Variants in LRP5 observed in about 807,000 individuals in gnomAD.
The protein encoded by LRP5 is low-density lipoprotein receptor-related protein 5.
In LRP5, 62 loss-of-function variants were observed where a neutral mutation model predicts 154.1. That is an observed-to-expected ratio of 0.40 (90% CI 0.33 to 0.50). The LOEUF (loss-of-function observed/expected upper bound fraction) is 0.50, where lower values mean the gene tolerates loss of function less well. Ranked by LOEUF, LRP5 falls within the 20% of genes least tolerant of loss-of-function variation. LRP5 has a pLI of 0.55. For missense variants in LRP5, 1,915 were observed against 2,336.7 expected (o/e 0.82, Z 3.72); for synonymous variants, 966 against 1,011.5 (o/e 0.96, Z 0.85).
chr11:68,424,900 T>C (rs2098667816), intron 14 of LRP5, among the ~76,000 whole-genome samples: 1 of 152,236 alleles, frequency 6.6e-6, no homozygotes, highest in Admixed American at 6.5e-5. Context: ...AGACCCTGCT[T>C]CCAAATAAGC....
At chr11:68,363,065 C>T (rs767522499) in intron 3 of LRP5, among the ~76,000 whole-genome samples, 4 of 152,228 alleles carry the variant, frequency 2.6e-5, no homozygotes, top group East Asian at 3.8e-4. Flanking sequence ...AGCTGTTTCT[C>T]GGGTTGATGC....
Position 68,428,943 on chromosome 11 carries a change from A to AAAAAAAAG in LRP5, c.3638-628_3638-627insAAAGAAAA. Among the ~76,000 whole-genome samples, 6 of 3,174 alleles carry AAAAAAAAG rather than the reference A, an allele frequency of 1.9e-3. 3 individuals are homozygous for AAAAAAAAG. The highest frequency in any genetic ancestry group is 4.8e-3 in the African/African-American group (4 of 828). 2.1% of individuals were successfully genotyped at this position (3,174 alleles called of 152,430 possible). On this transcript the variant is annotated intron_variant, in intron 16 of 22. Transcript: ENST00000294304. ...AAAAGTGAAAAAAAAAAAAAAAAAA[A>AAAAAAAAG]AAAATTAGCCAGGCACAGTGGCAGG...
chr11:68,394,496 C>T (rs181789588), intron 7 of LRP5, among the ~76,000 whole-genome samples: 25 of 150,262 alleles, frequency 1.7e-4, no homozygotes, highest in African/African-American at 4.2e-4. Context: ...GGTGGAGTCT[C>T]GCTCTCTTGC....
At chr11:68,415,853 G>A (rs12789592) in intron 12 of LRP5, among the ~76,000 whole-genome samples, 1 of 71,250 alleles carries the variant, frequency 1.4e-5, no homozygotes, top group African/African-American at 3.4e-5. Context: ...TCAGGAGATC[G>A]AGACCATCCT....
In LRP5 at chr11:68,386,599, C is replaced by A; in HGVS notation, c.1299C>A (p.Thr433=). The change falls in exon 6 of 23, where the codon ACC becomes ACA. Residue 433 remains threonine, a synonymous_variant. Transcript: ENST00000294304. The surrounding 1 kb of genome is among the most constrained non-coding windows in gnomAD (Gnocchi z 7.9). ...GGGTGGCCCGAAACCTCTACTGGACCGACACGGGCACGGACCGCATCGAGG... is the reference window on the plus strand; with the variant it reads ...GGGTGGCCCGAAACCTCTACTGGACAGACACGGGCACGGACCGCATCGAGG... ...VDWVARNLYW[T]DTGTDRIEVT... is the part of the protein sequence containing the mutation. 1 of 1,613,648 alleles carries A rather than the reference C, an allele frequency of 6.2e-7. No individual in the cohort carries two copies. The highest frequency in any genetic ancestry group is 8.5e-7 in the Non-Finnish European group (1 of 1,179,922).
At position 68,409,926 on chromosome 11, in the gene LRP5, G is replaced by A. The variant is rs771775019; in HGVS notation, c.2104G>A (p.Ala702Thr). The A allele has an allele frequency of 4.3e-6, 7 of 1,613,532 alleles. No homozygotes were observed. The highest frequency in any genetic ancestry group is 3.3e-5 in the South Asian group (3 of 91,070). ...TDVSLKTISR[A>T]FMNGSSVEHV... is the part of the protein sequence containing the mutation. ...CACCTGCTGCCAGACCATCAGCCGC[G>A]CCTTCATGAACGGGAGCTCGGTGGA... is the stretch of plus-strand genomic sequence containing the variant. The change falls in exon 10 of 23, where the codon GCC becomes ACC. Residue 702 changes from alanine to threonine, a missense_variant. By Grantham distance (58) the Ala-to-Thr change is moderately conservative. This residue lies in a region of LRP5 where 773 missense variants were observed against 1,100.9 expected (regional missense o/e 0.70). Coordinates refer to ENST00000294304, the MANE Select transcript of LRP5 (RefSeq NM_002335.4).
At chr11:68,319,014 G>T (rs1186914121) in intron 1 of LRP5, among the ~76,000 whole-genome samples, 1 of 151,810 alleles carries the variant, frequency 6.6e-6, no homozygotes, top group Non-Finnish European at 1.5e-5. Flanking sequence ...GATTGGGGGT[G>T]CCCCCAGAAG....
At chr11:68,417,449 C>CTTTTTGTTT (rs2098663201) in intron 13 of LRP5, among the ~76,000 whole-genome samples, 1 of 41,598 alleles carries the variant, frequency 2.4e-5, no homozygotes, top group Non-Finnish European at 4.0e-5. Flanking sequence ...AACAGATTGG[C>CTTTTTGTTT]TTTTTTTTTT....
intron 7 of LRP5, among the ~76,000 whole-genome samples, chr11:68,397,865 C>A (rs1207255206): frequency 6.6e-6 from 1 of 152,016 alleles, no homozygotes; most frequent in Non-Finnish European, 1.5e-5. Context: ...GAGGTGACAT[C>A]ACTTACAGCG....
chr11:68,346,944 A>T (rs1322611507), intron 1 of LRP5, among the ~76,000 whole-genome samples: 1 of 152,102 alleles, frequency 6.6e-6, no homozygotes, highest in Non-Finnish European at 1.5e-5. Flanking sequence ...CTGATTTCTC[A>T]TTGAGCCCGT....
chr11:68,409,850 CAAAA>C (rs371789773), intron 9 of LRP5, 60 bp from the exon 10 acceptor site: 96 of 1,126,922 alleles, frequency 8.5e-5, no homozygotes, highest in African/African-American at 1.7e-4. Flanking sequence ...AACTCCGTCT[CAAAA>C]AAAAAAAAAA....
intron 21 of LRP5, among the ~76,000 whole-genome samples, chr11:68,443,585 A>ATTTTTTTTTTTT (rs1219762322): frequency 1.6e-4 from 4 of 24,834 alleles, no homozygotes; most frequent in Non-Finnish European, 2.7e-4. Flanking sequence ...ATATATATAT[A>ATTTTTTTTTTTT]TTTTTTTTTT....
At chr11:68,427,620 C>G (rs775303424) in intron 16 of LRP5, among the ~76,000 whole-genome samples, 13 of 151,654 alleles carry the variant, frequency 8.6e-5, no homozygotes, top group Non-Finnish European at 8.8e-5. Flanking sequence ...GCGGAAGTTG[C>G]AGTGAGCCAA....
intron 5 of LRP5, among the ~76,000 whole-genome samples, chr11:68,371,351 C>A (rs1001587242): frequency 1.3e-5 from 2 of 152,132 alleles, no homozygotes; most frequent in African/African-American, 4.8e-5. Flanking sequence ...AGGACAGGCA[C>A]GGCCTAGCAT....
chr11:68,412,864 C>G (rs930504567), intron 11 of LRP5: 1 of 161,250 alleles, frequency 6.2e-6, no homozygotes, highest in African/African-American at 2.4e-5. Context: ...CTTCTGACCT[C>G]TGCCTCTCCT....
At chr11:68,404,827 G>A (rs1359023136) in intron 8 of LRP5, among the ~76,000 whole-genome samples, 6 of 151,934 alleles carry the variant, frequency 3.9e-5, no homozygotes, top group East Asian at 3.9e-4. Flanking sequence ...AAAATTAGCC[G>A]GGTGCGGTGG....
intron 12 of LRP5, 122 bp downstream of exon 12, chr11:68,414,134 T>A: frequency 3.2e-6 from 3 of 941,782 alleles, no homozygotes; most frequent in Middle Eastern, 2.1e-4. Flanking sequence ...TTGGGTAGGT[T>A]GTGCACTGCA....
chr11:68,404,666 A>G (rs1335777817), intron 8 of LRP5, among the ~76,000 whole-genome samples: 1 of 152,094 alleles, frequency 6.6e-6, no homozygotes, highest in Non-Finnish European at 1.5e-5. Flanking sequence ...AGCCTCCTTT[A>G]AAAACGCGTT....
At chr11:68,302,716 G>C in the LRP5 span, among the ~76,000 whole-genome samples, 3 of 152,182 alleles carry the variant, frequency 2.0e-5, no homozygotes, top group African/African-American at 7.2e-5. Context: ...AGATGGGTTG[G>C]GGGCATGACA....
Sources: gnomAD v4.1 joint callset for allele counts (sites outside exome capture counted in the v4.1 genomes callset) on GRCh38, gnomAD v4.1.1 for gene constraint, gnomAD v4.1.1 regional missense constraint, Gnocchi (gnomAD v3.1) non-coding constraint, MANE v1.5 for transcripts, NCBI Gene and HGNC (gene_info 2026-07-23, HGNC 2026-07-21) for gene names.